AFF3: variants seen among roughly 807,000 people sequenced by gnomAD.
AFF3 encodes the protein ALF transcription elongation factor 3.
Under a neutral mutation model 129.7 loss-of-function variants are expected in AFF3, and 32 were observed. That is an observed-to-expected ratio of 0.25 (90% CI 0.19 to 0.33). AFF3 has a LOEUF of 0.33. Ranked by LOEUF, AFF3 falls within the 10% of genes least tolerant of loss-of-function variation. The probability of loss-of-function intolerance (pLI) is 1.00; values close to 1 mark genes in which losing one functional copy is unlikely to be tolerated. For synonymous variants in AFF3, 644 were observed against 635.4 expected (o/e 1.01, Z -0.20); for missense variants, 1,373 against 1,592.0 (o/e 0.86, Z 2.34).
At chr2:99,835,385 A>T (rs769991594) in intron 8 of AFF3, among the ~76,000 whole-genome samples, 1 of 152,150 alleles carries the variant, frequency 6.6e-6, no homozygotes, top group Non-Finnish European at 1.5e-5. Flanking sequence ...GGTGTGTCAC[A>T]GATACACAAT....
At chr2:100,072,869 C>T (rs1371492220) in intron 4 of AFF3, among the ~76,000 whole-genome samples, 1 of 152,154 alleles carries the variant, frequency 6.6e-6, no homozygotes, top group South Asian at 2.1e-4. Context: ...TCCCTTTTAC[C>T]TTAACTGAGT....
rs563056977 is a variant in AFF3, at chr2:99,901,863, A to T, written c.874-64339T>A. Among the ~76,000 whole-genome samples the T allele has an allele frequency of 2.0e-5, 3 of 152,168 alleles. No individual in the cohort carries two copies. In the South Asian group the frequency reaches 6.2e-4, roughly 32 times the overall value. ...TGATAGCTGTGCCCCCCAGAGCAGAAGGCCAACTGCTTGTCACAGCTAAGA... is the reference window on the plus strand; with the variant it reads ...TGATAGCTGTGCCCCCCAGAGCAGATGGCCAACTGCTTGTCACAGCTAAGA... On this transcript the variant is annotated intron_variant, in intron 7 of 24. Coordinates refer to ENST00000672756, the MANE Select transcript of AFF3 (RefSeq NM_001386135.1).
chr2:100,037,275 G>C (rs1684995764), intron 4 of AFF3, among the ~76,000 whole-genome samples: 1 of 150,840 alleles, frequency 6.6e-6, no homozygotes. Flanking sequence ...TTTAATAATA[G>C]ATGTTTACAA....
Position 99,583,019 on chromosome 2 carries a change from T to C in AFF3, c.2592-20A>G. ...GCCACACTGAAAAAGGAAATTACGG[T>C]AATGGAATGTTACAGAGTCAGCACA... On this transcript the variant is annotated intron_variant, in intron 16 of 24. Transcript: ENST00000672756. The C allele has an allele frequency of 6.2e-7, 1 of 1,607,726 alleles. No individual in the cohort carries two copies. The highest frequency in any genetic ancestry group is 8.5e-7 in the Non-Finnish European group (1 of 1,174,442).
intron 7 of AFF3, among the ~76,000 whole-genome samples, chr2:99,959,983 G>A (rs1205685375): frequency 6.6e-6 from 1 of 152,034 alleles, no homozygotes; most frequent in Non-Finnish European, 1.5e-5. Flanking sequence ...TTGTATGTGT[G>A]TTGCTTACTG....
chr2:99,802,633 A>T (rs2105515817), intron 8 of AFF3, among the ~76,000 whole-genome samples: 1 of 151,748 alleles, frequency 6.6e-6, no homozygotes, highest in South Asian at 2.1e-4. Context: ...ACTGCACTCC[A>T]GCCTGGCCAA....
intron 13 of AFF3, among the ~76,000 whole-genome samples, chr2:99,616,752 T>A (rs1215934698): frequency 6.6e-6 from 1 of 151,854 alleles, no homozygotes. Flanking sequence ...TGAGACTGTC[T>A]CAAAAAAAAA....
chr2:99,687,696 A>C (rs934063937), intron 11 of AFF3, among the ~76,000 whole-genome samples: 3 of 152,164 alleles, frequency 2.0e-5, no homozygotes, highest in Admixed American at 6.5e-5. Flanking sequence ...GTTATTTATA[A>C]ATATGCTTTT....
At chr2:99,667,864 A>ATT (rs68127243) in intron 12 of AFF3, among the ~76,000 whole-genome samples, 1 of 149,542 alleles carries the variant, frequency 6.7e-6, no homozygotes, top group East Asian at 2.0e-4. Flanking sequence ...AACTATTAAT[A>ATT]TTTTTTTTTT....
At chr2:99,649,311 GAA>G (rs1335178106) in intron 13 of AFF3, among the ~76,000 whole-genome samples, 1 of 152,182 alleles carries the variant, frequency 6.6e-6, no homozygotes, top group Non-Finnish European at 1.5e-5. Context: ...ATTTATTGCT[GAA>G]AAATGAGCTT....
intron 4 of AFF3, among the ~76,000 whole-genome samples, chr2:100,086,823 C>T (rs1285880097): frequency 2.0e-5 from 3 of 152,228 alleles, no homozygotes; most frequent in Admixed American, 6.5e-5. Context: ...CAACATTCCA[C>T]ACATTTATAA....
At chr2:99,643,686 G>A (rs1684427980) in intron 13 of AFF3, among the ~76,000 whole-genome samples, 1 of 152,130 alleles carries the variant, frequency 6.6e-6, no homozygotes, top group Admixed American at 6.5e-5. Flanking sequence ...AAGGGGTCAG[G>A]AAGATGAAGC....
chr2:99,559,112 T>C (rs1265227074), intron 21 of AFF3, 144 bp from the exon 22 acceptor site: 1 of 658,976 alleles, frequency 1.5e-6, no homozygotes, highest in Non-Finnish European at 2.6e-6. Context: ...GTGCATATAA[T>C]GTCTGTGAGG....
chr2:100,107,218 G>T, intron 2 of AFF3: 1 of 985,372 alleles, frequency 1.0e-6, no homozygotes, highest in African/African-American at 1.7e-5. Flanking sequence ...AAGCTGTCAT[G>T]GAGATAAATC....
intron 4 of AFF3, among the ~76,000 whole-genome samples, chr2:100,039,478 A>G (rs963684890): frequency 6.6e-6 from 1 of 152,222 alleles, no homozygotes. Flanking sequence ...AGATCACTTG[A>G]GCCCAGGAGT....
intron 11 of AFF3, among the ~76,000 whole-genome samples, chr2:99,680,195 G>T (rs1012991877): frequency 6.6e-6 from 1 of 152,182 alleles, no homozygotes; most frequent in African/African-American, 2.4e-5. Flanking sequence ...AAGAATTACA[G>T]GGAAAGAGGG....
intron 11 of AFF3, among the ~76,000 whole-genome samples, chr2:99,682,435 T>A (rs1478695849): frequency 2.0e-5 from 3 of 152,204 alleles, no homozygotes; most frequent in African/African-American, 7.2e-5. Context: ...CATAAGCCCA[T>A]CATTACTAAG....
intron 4 of AFF3, among the ~76,000 whole-genome samples, chr2:100,095,501 C>T (rs560057317): frequency 6.6e-6 from 1 of 152,312 alleles, no homozygotes; most frequent in South Asian, 2.1e-4. Context: ...AGAACTTCAT[C>T]CACGAGTTCA....
chr2:99,623,319 C>T (rs910791807), intron 13 of AFF3, among the ~76,000 whole-genome samples: 6 of 152,256 alleles, frequency 3.9e-5, no homozygotes, highest in Admixed American at 2.6e-4. Context: ...CCATCCTAGG[C>T]GCTCAAAATA....
Sources: allele counts gnomAD v4.1 joint callset (sites outside exome capture counted in the v4.1 genomes callset), GRCh38; gene constraint gnomAD v4.1.1; transcripts MANE v1.5; gene names NCBI Gene and HGNC (gene_info 2026-07-23, HGNC 2026-07-21).